The following MDN1 variants were observed in gnomAD, a reference collection of about 807,000 sequenced individuals.
MDN1 encodes midasin AAA ATPase 1, also known as midasin.
In MDN1, 266 loss-of-function variants were observed where a neutral mutation model predicts 669.2. The ratio of observed to expected loss-of-function variants is 0.40; its 90% CI spans 0.36 to 0.44. The LOEUF is 0.44. Ranked by LOEUF, MDN1 falls within the 20% of genes least tolerant of loss-of-function variation. The probability of loss-of-function intolerance (pLI) is 1.00; values close to 1 mark genes in which losing one functional copy is unlikely to be tolerated. For missense variants in MDN1, 5,940 were observed against 6,754.0 expected, an observed-to-expected ratio of 0.88 and a Z score of 4.22; for synonymous variants, 2,385 against 2,457.1, an observed-to-expected ratio of 0.97 and a Z score of 0.87.
At chr6:89,671,338 T>A (rs570479640) in intron 82 of MDN1, among the ~76,000 whole-genome samples, 108 of 152,304 alleles carry the variant, frequency 7.1e-4, no homozygotes, top group Non-Finnish European at 1.3e-3. Context: ...GTTGGTTTTT[T>A]AAAAATAGAA....
In MDN1 at chr6:89,759,749, A is replaced by G. The variant is rs184239455; in HGVS notation, c.2461-789T>C. ...ATTGCACTCCAGCCTGGGTGACAAA[A>G]GCAAAACTCCGTCTCAAAAACAAAA... On this transcript the variant is annotated intron_variant, in intron 17 of 101. Coordinates refer to ENST00000369393, the MANE Select transcript of MDN1 (RefSeq NM_014611.3). 4.5e-3 allele frequency among the ~76,000 whole-genome samples: 561 copies of G among 125,454 alleles called. 2 individuals carry two copies. The highest frequency in any genetic ancestry group is 0.016 in the African/African-American group (533 of 33,096). The allele number at this position is 125,454 out of a possible 152,430, so 82.3% of individuals were successfully genotyped here.
chr6:89,773,466 G>T (rs1348321068), intron 13 of MDN1, among the ~76,000 whole-genome samples: 1 of 151,250 alleles, frequency 6.6e-6, no homozygotes, highest in Non-Finnish European at 1.5e-5. Flanking sequence ...CTTGAACCCT[G>T]GAGGTGGAGG....
In MDN1 at chr6:89,645,175, C is replaced by T. The variant is rs775048564; in HGVS notation, c.16460-18G>A. The T allele has an allele frequency of 2.9e-5, 46 of 1,573,756 alleles. No individual in the cohort carries two copies. Among genetic ancestry groups the T allele is most frequent in the Middle Eastern group, 1.7e-4 (1 of 5,944 alleles). On this transcript the variant is annotated intron_variant, in intron 100 of 101. Coordinates refer to ENST00000369393, the MANE Select transcript of MDN1 (RefSeq NM_014611.3). The stretch of plus-strand genomic sequence containing the variant: ...TGCAGTTTCTGTAGACCATATAAGA[C>T]GAAGCAAGGGAATAAAATGAACAGC...
chr6:89,761,501 C>T (rs1817545436), intron 17 of MDN1, 144 bp downstream of exon 17: 1 of 500,780 alleles, frequency 2.0e-6, no homozygotes, highest in Non-Finnish European at 3.5e-6. Flanking sequence ...CTTATAATTG[C>T]CATAATTACC....
rs1463679054 is a variant in MDN1, at chr6:89,785,611, A to G, written c.1335-485T>C. 2.0e-5 allele frequency among the ~76,000 whole-genome samples: 3 copies of G among 152,234 alleles called. No homozygotes were observed. The East Asian group carries it at 5.8e-4, about 29-fold the overall frequency. On this transcript the variant is annotated intron_variant, in intron 8 of 101. Transcript: ENST00000369393. ...CTGGGGAAGGTACATGCTTATGCATAGGCCACTTAGTCCTCACAACTGTCC... is the reference window on the plus strand; with the variant it reads ...CTGGGGAAGGTACATGCTTATGCATGGGCCACTTAGTCCTCACAACTGTCC...
At chr6:89,671,109 C>T (rs755656662) in intron 82 of MDN1, 29 bp from the exon 83 acceptor site, 1 of 1,604,878 alleles carries the variant, frequency 6.2e-7, no homozygotes, top group South Asian at 1.1e-5. Context: ...AAAAGGCCTG[C>T]TCACACTGCT....
At chr6:89,809,628 T>G (rs1768246297) in intron 1 of MDN1, among the ~76,000 whole-genome samples, 1 of 151,604 alleles carries the variant, frequency 6.6e-6, no homozygotes, top group Non-Finnish European at 1.5e-5. Flanking sequence ...GCACAAAAAT[T>G]AGCCGGGCAT....
chr6:89,774,519 G>A (rs1247233186), intron 13 of MDN1, 102 bp downstream of exon 13: 2 of 823,912 alleles, frequency 2.4e-6, no homozygotes, highest in African/African-American at 3.4e-5. Flanking sequence ...AGATATCACA[G>A]TTCAGACATG....
At chr6:89,785,953 T>C (rs897703237) in intron 8 of MDN1, among the ~76,000 whole-genome samples, 3 of 149,418 alleles carry the variant, frequency 2.0e-5, no homozygotes, top group African/African-American at 7.4e-5. Flanking sequence ...GGGCAACAAA[T>C]TGAGGCCTCA....
In MDN1 at chr6:89,819,667, C is replaced by G. The variant is rs1157035868; in HGVS notation, c.-60G>C. ...CTCCCTACTTCGCGGCCAGCGTCCC[C>G]AAGCCGCCGAGGTCCCAGTGCCCGA... On this transcript the variant is annotated 5_prime_UTR_variant, in exon 1 of 102. Transcript: ENST00000369393. 11 of 1,460,378 alleles carry G rather than the reference C, an allele frequency of 7.5e-6. No homozygotes were observed. In the East Asian group the frequency reaches 2.0e-4, roughly 27 times the overall value. 90.5% of individuals were successfully genotyped at this position (1,460,378 alleles called of 1,614,324 possible).
chr6:89,760,051 GAC>G (rs1207266313), intron 17 of MDN1, among the ~76,000 whole-genome samples: 1 of 151,784 alleles, frequency 6.6e-6, no homozygotes, highest in East Asian at 1.9e-4. Context: ...CAGCCTGGGT[GAC>G]AGAGTCAGAC....
chr6:89,683,875 ATCATTCCACTTGGAAATC>A lies in MDN1; in HGVS notation c.11841_11858del (p.Lys3947_Asp3953delinsAsn). The stretch of plus-strand genomic sequence containing the variant: ...ATTGCTTAATGGACCAGAAGCTGAC[ATCATTCCACTTGGAAATC>A]TTAACAAATTCCTGTAAGATAAATG... On this transcript the variant is annotated inframe_deletion, in exon 72 of 102. Transcript: ENST00000369393. The A allele has an allele frequency of 6.2e-7, 1 of 1,613,626 alleles. No individual in the cohort carries two copies. Among genetic ancestry groups the A allele is most frequent in the Non-Finnish European group, 8.5e-7 (1 of 1,179,672 alleles).
At chr6:89,793,727 G>A (rs1406185214) in intron 5 of MDN1, 35 bp downstream of exon 5, 1 of 1,559,508 alleles carries the variant, frequency 6.4e-7, no homozygotes, top group South Asian at 1.2e-5. Flanking sequence ...TTTAGTAGGG[G>A]GAAGGGGACA....
intron 21 of MDN1, 110 bp downstream of exon 21, chr6:89,753,973 G>C: frequency 3.5e-6 from 4 of 1,151,956 alleles, no homozygotes; most frequent in Non-Finnish European, 4.8e-6. Context: ...ATTATGGGCT[G>C]ATCTGACTAA....
chr6:89,792,995 C>T (rs928411546), intron 5 of MDN1, among the ~76,000 whole-genome samples: 42 of 152,172 alleles, frequency 2.8e-4, no homozygotes, highest in African/African-American at 9.9e-4. Flanking sequence ...ACTTGCACTA[C>T]AGCCTGACCA....
intron 64 of MDN1, 98 bp downstream of exon 64, chr6:89,690,575 G>T (rs1031837864): frequency 7.5e-5 from 106 of 1,405,318 alleles, no homozygotes; most frequent in African/African-American, 9.9e-5. Context: ...CATACATACA[G>T]AGAGAGAGAT....
chr6:89,803,186 C>T, intron 2 of MDN1, 142 bp downstream of exon 2: 1 of 734,620 alleles, frequency 1.4e-6, no homozygotes, highest in South Asian at 1.7e-5. Flanking sequence ...TCTGCTGTGA[C>T]TCTTTTTATA....
At chr6:89,680,836 C>A in intron 73 of MDN1, 85 bp from the exon 74 acceptor site, 2 of 1,410,650 alleles carry the variant, frequency 1.4e-6, no homozygotes, top group Admixed American at 2.3e-5. Flanking sequence ...CTGTTGCACA[C>A]AAAAACACAT....
chr6:89,732,344 A>G (rs1402296574), intron 34 of MDN1, among the ~76,000 whole-genome samples: 6 of 152,094 alleles, frequency 3.9e-5, no homozygotes, highest in Non-Finnish European at 8.8e-5. Flanking sequence ...CATGTTTGTT[A>G]AGTACCTGGT....
Sources: gnomAD v4.1 joint callset for allele counts (sites outside exome capture counted in the v4.1 genomes callset) on GRCh38, gnomAD v4.1.1 for gene constraint, MANE v1.5 for transcripts, NCBI Gene and HGNC (gene_info 2026-07-23, HGNC 2026-07-21) for gene names.